The following ZNF443 variants were observed in gnomAD, a reference collection of about 807,000 sequenced individuals.
ZNF443 encodes the protein zinc finger protein 443, also known as Kruppel-type zinc finger (C2H2).
A neutral mutation model predicts 12.0 loss-of-function variants in ZNF443; 3 were observed. That is an observed-to-expected ratio of 0.25 (90% CI 0.11 to 0.64). The LOEUF is 0.64. Among genes scored for constraint, ZNF443 ranks in the 30% least tolerant of loss-of-function variants. ZNF443 has a pLI of 0.84. For synonymous variants in ZNF443, 225 were observed against 265.9 expected (o/e 0.85, Z 1.50); for missense variants, 770 against 808.8 (o/e 0.95, Z 0.58).
In ZNF443 at chr19:12,431,430, T is replaced by G. The variant is rs1406567107; in HGVS notation, c.742A>C (p.Thr248Pro). 1.2e-6 allele frequency: 2 copies of G among 1,614,158 alleles called. No homozygotes were observed. Among genetic ancestry groups the G allele is most frequent in the Admixed American group, 1.7e-5 (1 of 60,022 alleles). The change falls in exon 4 of 4, where the codon ACT becomes CCT. Residue 248 changes from threonine to proline, a missense_variant. Physicochemically the swap from Thr to Pro is conservative, Grantham distance 38. This residue lies in a region of ZNF443 where 736 missense variants were observed against 689.4 expected (regional missense o/e 1.07). Transcript: ENST00000301547. ...SSYLRHERTH[T>P]GEKPYECKQC... ...TTACATTCATACGGTTTCTCCCCAG[T>G]ATGTGTTCTTTCATGTCTTAGATAG... is the stretch of plus-strand genomic sequence containing the variant.
intron 1 of ZNF443, 22 bp downstream of exon 1, chr19:12,440,890 G>A: frequency 6.2e-7 from 1 of 1,614,060 alleles, no homozygotes; most frequent in Non-Finnish European, 8.5e-7. Context: ...CCCGCCTCGG[G>A]ACGCCGGCCC....
At chr19:12,433,691 T>A (rs1309409400) in intron 1 of ZNF443, among the ~76,000 whole-genome samples, 1 of 151,908 alleles carries the variant, frequency 6.6e-6, no homozygotes, top group African/African-American at 2.4e-5. Flanking sequence ...GCAAAAAAAA[T>A]ATAGTATTTC....
At position 12,430,976 on chromosome 19, in the gene ZNF443, C is replaced by G; in HGVS notation, c.1196G>C (p.Gly399Ala). 6.2e-7 allele frequency: 1 copy of G among 1,613,722 alleles called. No individual in the cohort carries two copies. Among genetic ancestry groups the G allele is most frequent in the South Asian group, 1.1e-5 (1 of 91,042 alleles). Residue 399 changes from glycine to alanine, a missense_variant, in exon 4 of 4, where the codon GGG (glycine) becomes GCG (alanine). Coordinates refer to ENST00000301547, the MANE Select transcript of ZNF443 (RefSeq NM_005815.5). ...GCTTGAGCGATGAGATAATGCTTTC[C>G]CACACTGCTTGCATTCATAGGGTTT... ...GEKPYECKQC[G>A]KALSHRSSFR... is the part of the protein sequence containing the mutation.
Position 12,430,476 on chromosome 19 carries a change from C to T in ZNF443, c.1696G>A (p.Gly566Arg). Residue 566 changes from glycine to arginine, a missense_variant, in exon 4 of 4, where the codon GGG becomes AGG. Physicochemically the swap from Gly to Arg is moderately radical, Grantham distance 125. This residue lies in a region of ZNF443 where 736 missense variants were observed against 689.4 expected (regional missense o/e 1.07). Coordinates refer to ENST00000301547, the MANE Select transcript of ZNF443 (RefSeq NM_005815.5). Reference sequence around the variant, plus strand: ...CAAGTGAGCCAAGAGAATGCTTTCCCACATTCCTTACATTCATACGGCTTC... The same window carrying T: ...CAAGTGAGCCAAGAGAATGCTTTCCTACATTCCTTACATTCATACGGCTTC... ...GEKPYECKEC[G>R]KAFSWLTCFL... 6.2e-7 allele frequency: 1 copy of T among 1,614,112 alleles called. No individual in the cohort carries two copies. Among genetic ancestry groups the T allele is most frequent in the Non-Finnish European group, 8.5e-7 (1 of 1,179,990 alleles).
chr19:12,430,589 C>A lies in ZNF443; in HGVS notation c.1583G>T (p.Gly528Val). The change falls in exon 4 of 4, where the codon GGA (glycine) becomes GTA (valine). Residue 528 changes from glycine (G) to valine (V), a missense_variant. Physicochemically the swap from Gly to Val is moderately radical, Grantham distance 109. This residue lies in a region of ZNF443 where 736 missense variants were observed against 689.4 expected (regional missense o/e 1.07). Coordinates refer to ENST00000301547, the MANE Select transcript of ZNF443 (RefSeq NM_005815.5). The part of the protein sequence containing the change: ...YLSRHKRTHT[G>V]EKPYECKTCR... ...TGTTTTACACTCATAAGGTTTCTCTCCTGTGTGAGTCCTTTTATGTCGAGA... is the reference window on the plus strand; with the variant it reads ...TGTTTTACACTCATAAGGTTTCTCTACTGTGTGAGTCCTTTTATGTCGAGA... 1.2e-6 allele frequency: 2 copies of A among 1,613,804 alleles called. No homozygotes were observed. Among genetic ancestry groups the A allele is most frequent in the Non-Finnish European group, 1.7e-6 (2 of 1,179,954 alleles).
At chr19:12,438,271 C>T (rs9676510) in intron 1 of ZNF443, among the ~76,000 whole-genome samples, 49,967 of 151,954 alleles carry the variant, frequency 0.33, 8,673 homozygotes, top group South Asian at 0.47. Context: ...TCTATGTCTA[C>T]GGGTGGGAAG....
At chr19:12,433,756 C>A (rs932626701) in intron 1 of ZNF443, among the ~76,000 whole-genome samples, 83 of 151,004 alleles carry the variant, frequency 5.5e-4, no homozygotes, top group African/African-American at 1.9e-3. Flanking sequence ...ACTCAGCAGA[C>A]AGAGTGCACT....
intron 1 of ZNF443, among the ~76,000 whole-genome samples, chr19:12,440,659 G>A (rs1970355631): frequency 6.6e-6 from 1 of 152,332 alleles, no homozygotes; most frequent in East Asian, 1.9e-4. Context: ...GGGGAGACCC[G>A]GGGCTGCGGG....
chr19:12,436,709 T>A (rs957946386), intron 1 of ZNF443, among the ~76,000 whole-genome samples: 9 of 151,110 alleles, frequency 6.0e-5, no homozygotes, highest in African/African-American at 1.9e-4. Flanking sequence ...AAGAAGTTCA[T>A]CAGAGAGAAG....
At chr19:12,436,055 T>C (rs1269019280) in intron 1 of ZNF443, among the ~76,000 whole-genome samples, 1 of 151,542 alleles carries the variant, frequency 6.6e-6, no homozygotes, top group Non-Finnish European at 1.5e-5. Flanking sequence ...CTGAGAAACC[T>C]CAGACACCAC....
chr19:12,433,304 T>G, intron 1 of ZNF443, 107 bp from the exon 2 acceptor site: 9 of 1,446,268 alleles, frequency 6.2e-6, no homozygotes, highest in Non-Finnish European at 8.2e-6. Context: ...AACCATTTTA[T>G]TCAATGACAT....
intron 1 of ZNF443, among the ~76,000 whole-genome samples, chr19:12,438,106 A>G (rs1439031965): frequency 1.3e-5 from 2 of 152,134 alleles, no homozygotes; most frequent in African/African-American, 4.8e-5. Context: ...CAAAAAAAAA[A>G]AAAAAAAATT....
Position 12,430,240 on chromosome 19 carries a change from AGT to A in ZNF443, c.1930_1931del (p.Thr644TrpfsTer6). The A allele has an allele frequency of 6.2e-7, 1 of 1,613,936 alleles. No individual in the cohort carries two copies. The highest frequency in any genetic ancestry group is 8.5e-7 in the Non-Finnish European group (1 of 1,179,918). The stretch of plus-strand genomic sequence containing the variant: ...CCTTACATTCATATGGGTTCTCTCC[AGT>A]GTGAGTTTTTTTCCAGTGAGTCTTT... ...HKKTHWKKTH[T>X]GENPYECKEC... On this transcript the variant is annotated frameshift_variant, in exon 4 of 4. Transcript: ENST00000301547. LOFTEE classifies it low-confidence loss of function (END_TRUNC).
chr19:12,441,003 C>T lies in ZNF443; in HGVS notation c.-89G>A, dbSNP rs1970360218. ...CAGACAAAGGCTGCCTCAGAACTTC[C>T]AGGTCGTCTCTCAGCTACAGAACCC... On this transcript the variant is annotated 5_prime_UTR_variant, in exon 1 of 4. Transcript: ENST00000301547. 1 of 1,608,942 alleles carries T rather than the reference C, an allele frequency of 6.2e-7. No individual in the cohort carries two copies. The highest frequency in any genetic ancestry group is 1.3e-5 in the African/African-American group (1 of 75,002).
At chr19:12,435,258 G>A in intron 1 of ZNF443, among the ~76,000 whole-genome samples, 1 of 152,128 alleles carries the variant, frequency 6.6e-6, no homozygotes, top group African/African-American at 2.4e-5. Flanking sequence ...TTACAGGTGT[G>A]AGCCACAGTG....
In ZNF443 at chr19:12,431,106, T is replaced by C. The variant is rs1957162053; in HGVS notation, c.1066A>G (p.Met356Val). The C allele has an allele frequency of 3.1e-6, 5 of 1,614,044 alleles. No individual in the cohort carries two copies. The highest frequency in any genetic ancestry group is 3.4e-6 in the Non-Finnish European group (4 of 1,180,012). Reference sequence around the variant, plus strand: ...GGTCCATTTCCAGTGTGCCTTATCATGTGTCTTTGAAAGCTTCCCAGATGA... The same window carrying C: ...GGTCCATTTCCAGTGTGCCTTATCACGTGTCTTTGAAAGCTTCCCAGATGA... ...FHHLGSFQRHMIRHTGNGPHK... is the reference protein window; with the variant it reads ...FHHLGSFQRHVIRHTGNGPHK... The change falls in exon 4 of 4, where the codon ATG becomes GTG. Residue 356 changes from methionine (M) to valine (V), a missense_variant. Coordinates refer to ENST00000301547, the MANE Select transcript of ZNF443 (RefSeq NM_005815.5).
chr19:12,434,146 C>T (rs1438430089), intron 1 of ZNF443, among the ~76,000 whole-genome samples: 2 of 152,108 alleles, frequency 1.3e-5, no homozygotes, highest in African/African-American at 2.4e-5. Flanking sequence ...TATAAATTAC[C>T]GAGGTTCAGT....
chr19:12,429,982 C>A lies in ZNF443; in HGVS notation c.*174G>T. ...GGACATGGCTCACGGAGTGCTGGAA[C>A]CAATACCCAGCAGGTATCAAGGGAT... On this transcript the variant is annotated 3_prime_UTR_variant, in exon 4 of 4. Coordinates refer to ENST00000301547, the MANE Select transcript of ZNF443 (RefSeq NM_005815.5). 1.8e-6 allele frequency: 2 copies of A among 1,103,878 alleles called. No individual in the cohort carries two copies. The highest frequency in any genetic ancestry group is 3.4e-5 in the South Asian group (2 of 58,136). 68.4% of individuals were successfully genotyped at this position (1,103,878 alleles called of 1,614,324 possible). A position where few individuals can be genotyped will look rare whatever the true frequency, so the allele number is the denominator to read the frequency against.
At chr19:12,439,047 G>T (rs575944335) in intron 1 of ZNF443, among the ~76,000 whole-genome samples, 29 of 152,200 alleles carry the variant, frequency 1.9e-4, no homozygotes, top group African/African-American at 7.0e-4. Context: ...TATCACCTGG[G>T]ACATCCCTTA....
Sources: gnomAD v4.1 joint callset for allele counts (sites outside exome capture counted in the v4.1 genomes callset) on GRCh38, gnomAD v4.1.1 for gene constraint, gnomAD v4.1.1 regional missense constraint, MANE v1.5 for transcripts, NCBI Gene and HGNC (gene_info 2026-07-23, HGNC 2026-07-21) for gene names.